UHRF1: variants seen among roughly 807,000 people sequenced by gnomAD.
UHRF1 encodes the protein E3 ubiquitin-protein ligase UHRF1.
In UHRF1, 9 loss-of-function variants were observed where a neutral mutation model predicts 96.5. The observed-to-expected ratio is 0.09, with a 90% confidence interval of 0.06 to 0.16. The LOEUF (loss-of-function observed/expected upper bound fraction) is 0.16. Ranked by LOEUF, UHRF1 falls within the 10% of genes least tolerant of loss-of-function variation. The probability of loss-of-function intolerance (pLI) is 1.00; values close to 1 mark genes in which losing one functional copy is unlikely to be tolerated. For synonymous variants in UHRF1, 455 were observed against 469.9 expected, an observed-to-expected ratio of 0.97 and a Z score of 0.41; for missense variants, 626 against 1,131.1, an observed-to-expected ratio of 0.55 and a Z score of 6.40.
Position 4,930,903 on chromosome 19 carries a change from G to GGGTAT in UHRF1, c.569+28_569+32dup, listed in dbSNP as rs780649935. ...TGAGTCATGGCAGGTGGGCGGGCCT[G>GGGTAT]GGTATTCAGGCTCTGTGACGCGCAT... On this transcript the variant is annotated intron_variant, in intron 4 of 16. Transcript: ENST00000650932. This position sits in a 1 kb window ranked among gnomAD's most constrained non-coding sequence, Gnocchi z 4.4. The GGGTAT allele has an allele frequency of 3.7e-5, 59 of 1,612,626 alleles. No individual in the cohort carries two copies. In the South Asian group the frequency reaches 6.5e-4, roughly 18 times the overall value.
chr19:4,911,611 C>T (rs190466586), intron 2 of UHRF1, among the ~76,000 whole-genome samples: 14 of 152,296 alleles, frequency 9.2e-5, no homozygotes, highest in South Asian at 2.1e-4. Context: ...GTGTGGTCCC[C>T]GAGGGGTCCA....
intron 1 of UHRF1, among the ~76,000 whole-genome samples, chr19:4,904,437 C>T (rs867645095): frequency 2.0e-5 from 3 of 152,286 alleles, no homozygotes; most frequent in African/African-American, 4.8e-5. Flanking sequence ...CCTTGGCCTC[C>T]CAAAGTGCTG....
intron 2 of UHRF1, among the ~76,000 whole-genome samples, chr19:4,928,271 C>T (rs934806183): frequency 6.6e-6 from 1 of 151,678 alleles, no homozygotes; most frequent in African/African-American, 2.4e-5. Context: ...CCAATGTCTG[C>T]AGTGCCGGGG....
chr19:4,946,572 G>C (rs534549855), intron 10 of UHRF1, among the ~76,000 whole-genome samples: 93 of 150,910 alleles, frequency 6.2e-4, no homozygotes, highest in Admixed American at 1.0e-3. Flanking sequence ...ATTCCATGTT[G>C]AGTGTTGTTT....
upstream of UHRF1, among the ~76,000 whole-genome samples, chr19:4,908,003 C>T (rs4807663): frequency 0.16 from 23,648 of 152,078 alleles, 3,911 homozygotes; most frequent in African/African-American, 0.42. Flanking sequence ...TGAGCCAACG[C>T]GCCCGGCCCT....
intron 5 of UHRF1, among the ~76,000 whole-genome samples, chr19:4,936,581 G>A (rs1051202261): frequency 2.0e-5 from 3 of 152,118 alleles, no homozygotes; most frequent in African/African-American, 7.2e-5. Context: ...TGCAGTGTGG[G>A]GGGTCAATTC....
At chr19:4,915,885 G>A (rs1184270583) in intron 2 of UHRF1, among the ~76,000 whole-genome samples, 2 of 152,138 alleles carry the variant, frequency 1.3e-5, no homozygotes, top group Admixed American at 6.5e-5. Context: ...AGATCCTTAC[G>A]TGCGCTGTGT....
intron 2 of UHRF1, among the ~76,000 whole-genome samples, chr19:4,911,381 C>A (rs900113260): frequency 6.6e-6 from 1 of 152,132 alleles, no homozygotes; most frequent in Non-Finnish European, 1.5e-5. Context: ...CGAGAAAGGG[C>A]CCAGGACCAT....
At chr19:4,956,896 A>G (rs566337220) in intron 16 of UHRF1, 83 bp downstream of exon 16, 1 of 973,526 alleles carries the variant, frequency 1.0e-6, no homozygotes, top group East Asian at 2.6e-5. Context: ...CTGCCACTAC[A>G]GACAGAGGCT....
At chr19:4,924,218 C>T (rs959918188) in intron 2 of UHRF1, among the ~76,000 whole-genome samples, 14 of 152,236 alleles carry the variant, frequency 9.2e-5, no homozygotes, top group Admixed American at 2.6e-4. Context: ...GGCGTGATCT[C>T]GGCTCACGGC....
In UHRF1 at chr19:4,960,767, C is replaced by T; in HGVS notation, c.2346C>T (p.Leu782=). The change falls in exon 17 of 17, where the codon CTC becomes CTT. Residue 782 remains leucine, a synonymous_variant. Coordinates refer to ENST00000650932, the MANE Select transcript of UHRF1 (RefSeq NM_001048201.3). ...MQVNQPLQTV[L]NQLFPGYGNG... Reference sequence around the variant, plus strand: ...TGAACCAGCCTCTGCAGACCGTCCTCAACCAGCTCTTCCCCGGCTACGGCA... The same window carrying T: ...TGAACCAGCCTCTGCAGACCGTCCTTAACCAGCTCTTCCCCGGCTACGGCA... 6.3e-6 allele frequency: 10 copies of T among 1,576,164 alleles called. No homozygotes were observed. The highest frequency in any genetic ancestry group is 2.3e-5 in the East Asian group (1 of 42,858).
intron 11 of UHRF1, among the ~76,000 whole-genome samples, chr19:4,949,389 A>C (rs2033656777): frequency 6.8e-6 from 1 of 147,228 alleles, no homozygotes; most frequent in Admixed American, 6.8e-5. Flanking sequence ...TCCGCTTTGA[A>C]AAATGTCTTT....
chr19:4,960,305 G>A (rs773857448), intron 16 of UHRF1, among the ~76,000 whole-genome samples: 1 of 152,224 alleles, frequency 6.6e-6, no homozygotes, highest in Non-Finnish European at 1.5e-5. Context: ...AAGGAGAGGT[G>A]CCGTCTTGAA....
rs17880958 is a variant in UHRF1 at position 4,958,529 on chromosome 19, G to A, written c.2235+1716G>A. On this transcript the variant is annotated intron_variant, in intron 16 of 16. Coordinates refer to ENST00000650932, the MANE Select transcript of UHRF1 (RefSeq NM_001048201.3). ...CTGTCCTGTGCATCGGTGTGAAGGC[G>A]CGGAAGCGCTGAGGATGTGAAGGAA... 1.1e-4 allele frequency among the ~76,000 whole-genome samples: 17 copies of A among 152,360 alleles called. No individual in the cohort carries two copies. In the East Asian group the frequency reaches 2.1e-3, roughly 19 times the overall value.
chr19:4,932,667 C>G (rs745511298), intron 4 of UHRF1, 74 bp from the exon 5 acceptor site: 7 of 1,546,284 alleles, frequency 4.5e-6, no homozygotes, highest in African/African-American at 2.7e-5. Context: ...GGCCGTCCCA[C>G]CTCGGCTCGT....
intron 2 of UHRF1, among the ~76,000 whole-genome samples, chr19:4,917,395 C>T (rs1356455362): frequency 6.6e-6 from 1 of 151,666 alleles, no homozygotes; most frequent in East Asian, 1.9e-4. Context: ...GTGGCTTACG[C>T]CTGTAATCCC....
In UHRF1 at chr19:4,932,830, G is replaced by A; in HGVS notation, c.659G>A (p.Gly220Asp). The A allele has an allele frequency of 6.2e-7, 1 of 1,613,852 alleles. No homozygotes were observed. ...TIIKWQDLEV[G>D]QVVMLNYNPD... ...ATCAAGTGGCAGGACCTGGAGGTGG[G>A]CCAGGTGGTCATGCTCAACTACAAC... is the stretch of plus-strand genomic sequence containing the variant. The change falls in exon 5 of 17, where the codon GGC becomes GAC. Residue 220 changes from glycine (G) to aspartate (D), a missense_variant. Around this residue, in one of 11 missense-constraint regions of UHRF1, gnomAD observed 198 missense variants for 235.1 expected, o/e 0.84. Transcript: ENST00000650932.
At chr19:4,910,671 C>T (rs2032232187) in intron 1 of UHRF1, 2 of 441,210 alleles carry the variant, frequency 4.5e-6, no homozygotes, top group African/African-American at 2.0e-5. Flanking sequence ...ATCTTCAACA[C>T]TTGGCTAGTC....
Position 4,944,217 on chromosome 19 carries a change from G to A in UHRF1, c.1159G>A (p.Ala387Thr). 6.2e-7 allele frequency: 1 copy of A among 1,614,070 alleles called. No individual in the cohort carries two copies. Among genetic ancestry groups the A allele is most frequent in the Non-Finnish European group, 8.5e-7 (1 of 1,179,898 alleles). ...LRESKKKAKM[A>T]SATSSSQRDW... is the part of the protein sequence containing the mutation. ...AGAGAGCAAGAAGAAGGCGAAGATG[G>A]CCTCGGCCACATCGTCCTCACAGCG... is the stretch of plus-strand genomic sequence containing the variant. Residue 387 changes from alanine (A) to threonine (T), a missense_variant, in exon 8 of 17, where the codon GCC (alanine) becomes ACC (threonine). Coordinates refer to ENST00000650932, the MANE Select transcript of UHRF1 (RefSeq NM_001048201.3).
Sources: allele counts gnomAD v4.1 joint callset (sites outside exome capture counted in the v4.1 genomes callset), GRCh38; gene constraint gnomAD v4.1.1; regional missense constraint gnomAD v4.1.1; non-coding constraint Gnocchi (gnomAD v3.1); transcripts MANE v1.5; gene names NCBI Gene and HGNC (gene_info 2026-07-23, HGNC 2026-07-21).